Variants in SLC10A7 observed in about 807,000 individuals in gnomAD.
SLC10A7 encodes solute carrier family 10 member 7.
SLC10A7 carries 29 observed loss-of-function variants against 43.2 expected under a neutral mutation model. The ratio of observed to expected loss-of-function variants is 0.67; its 90% CI spans 0.50 to 0.92. The LOEUF (loss-of-function observed/expected upper bound fraction) is 0.92, where lower values mean the gene tolerates loss of function less well. Ranked by LOEUF, SLC10A7 falls within the 40% of genes least tolerant of loss-of-function variation. The pLI is 0.00. For synonymous variants in SLC10A7, 152 were observed against 144.8 expected (o/e 1.05, Z -0.35); for missense variants, 295 against 403.2 (o/e 0.73, Z 2.30).
intron 5 of SLC10A7, among the ~76,000 whole-genome samples, chr4:146,350,261 A>G (rs903987089): frequency 6.6e-6 from 1 of 151,656 alleles, no homozygotes; most frequent in African/African-American, 2.4e-5. Context: ...GAGTCAAAGA[A>G]AGGGGTGACA....
At chr4:146,322,828 C>A (rs564610115) in intron 6 of SLC10A7, among the ~76,000 whole-genome samples, 2 of 152,046 alleles carry the variant, frequency 1.3e-5, no homozygotes, top group Non-Finnish European at 2.9e-5. Flanking sequence ...ACTAGTTTAC[C>A]ATCCCACCAA....
At chr4:146,297,069 C>T (rs1210161340) in intron 7 of SLC10A7, among the ~76,000 whole-genome samples, 1 of 151,976 alleles carries the variant, frequency 6.6e-6, no homozygotes, top group Non-Finnish European at 1.5e-5. Flanking sequence ...AAAGAAAATC[C>T]AAGATGAGGT....
intron 6 of SLC10A7, among the ~76,000 whole-genome samples, chr4:146,307,005 A>G (rs939605889): frequency 5.9e-5 from 9 of 152,184 alleles, no homozygotes; most frequent in Non-Finnish European, 1.2e-4. Context: ...CATGGAGGTA[A>G]TGATGATTGA....
At chr4:146,514,536 A>C (rs1737777502) in intron 2 of SLC10A7, 1 of 152,220 alleles carries the variant, frequency 6.6e-6, no homozygotes, top group African/African-American at 2.4e-5. Context: ...GTCCTTTATA[A>C]TTTTAACAAA....
chr4:146,499,667 G>A (rs1363519126), intron 4 of SLC10A7, among the ~76,000 whole-genome samples: 1 of 152,062 alleles, frequency 6.6e-6, no homozygotes, highest in East Asian at 1.9e-4. Context: ...TCTCAAGTTT[G>A]ATATTCAAGA....
At chr4:146,310,966 G>A (rs1424360953) in intron 6 of SLC10A7, among the ~76,000 whole-genome samples, 2 of 149,094 alleles carry the variant, frequency 1.3e-5, no homozygotes, top group East Asian at 2.0e-4. Flanking sequence ...GAGGATGGGG[G>A]GAGGGGGATG....
intron 5 of SLC10A7, among the ~76,000 whole-genome samples, chr4:146,401,533 A>G (rs1739226650): frequency 6.6e-6 from 1 of 152,188 alleles, no homozygotes; most frequent in African/African-American, 2.4e-5. Flanking sequence ...AAATGAGGGA[A>G]AGCAACACTT....
At chr4:146,369,210 C>G (rs958759532) in intron 5 of SLC10A7, among the ~76,000 whole-genome samples, 4 of 152,168 alleles carry the variant, frequency 2.6e-5, no homozygotes, top group African/African-American at 9.7e-5. Flanking sequence ...ACCACTTAAC[C>G]ATCTGTGTGA....
chr4:146,290,450 G>A (rs1474218661), intron 9 of SLC10A7, among the ~76,000 whole-genome samples: 2 of 151,632 alleles, frequency 1.3e-5, no homozygotes, highest in African/African-American at 4.8e-5. Context: ...ATCATTAGTA[G>A]ATGACTATGG....
In SLC10A7 at chr4:146,487,599, ATGAAAG is replaced by A. The variant is rs1265793619; in HGVS notation, c.396+16244_396+16249del. Among the ~76,000 whole-genome samples the A allele has an allele frequency of 3.9e-5, 6 of 152,320 alleles. No individual in the cohort carries two copies. The East Asian group carries it at 5.8e-4, about 15-fold the overall frequency. ...TTTGCCTGAGATAATGCATAATGGG[ATGAAAG>A]TGTCTTGAAGAAGGATTCCATGACT... is the stretch of plus-strand genomic sequence containing the variant. On this transcript the variant is annotated intron_variant, in intron 4 of 11. Transcript: ENST00000335472.
intron 5 of SLC10A7, among the ~76,000 whole-genome samples, chr4:146,375,640 T>G (rs1343452146): frequency 2.0e-5 from 3 of 152,220 alleles, no homozygotes; most frequent in Non-Finnish European, 4.4e-5. Flanking sequence ...TTTATTTCGT[T>G]CATTTTTTTA....
At position 146,256,411 on chromosome 4, in the gene SLC10A7, CACAAGTACAAGTCTTCAGAATT is replaced by C. The variant is rs1353742325; in HGVS notation, c.*58_*79del. 7.2e-7 allele frequency: 1 copy of C among 1,383,012 alleles called. No homozygotes were observed. Among genetic ancestry groups the C allele is most frequent in the East Asian group, 2.3e-5 (1 of 43,336 alleles). 85.7% of individuals were successfully genotyped at this position (1,383,012 alleles called of 1,614,324 possible). The stretch of plus-strand genomic sequence containing the variant: ...ATAAAATATGCATTGAGGCAACATT[CACAAGTACAAGTCTTCAGAATT>C]GCTAGTATGTACAATCCTGTACATA... On this transcript the variant is annotated 3_prime_UTR_variant, in exon 12 of 12. Coordinates refer to ENST00000335472, the MANE Select transcript of SLC10A7 (RefSeq NM_001029998.6).
At position 146,301,593 on chromosome 4, in the gene SLC10A7, T is replaced by C. The variant is rs574975626; in HGVS notation, c.555+4333A>G. Among the ~76,000 whole-genome samples the C allele has an allele frequency of 2.6e-5, 4 of 152,174 alleles. No homozygotes were observed. The South Asian group carries it at 8.3e-4, about 32-fold the overall frequency. On this transcript the variant is annotated intron_variant, in intron 7 of 11. Coordinates refer to ENST00000335472, the MANE Select transcript of SLC10A7 (RefSeq NM_001029998.6). ...AGAGAGACAGGTTTAGGAGGTGCAG[T>C]AATTTAGACAAGAGATGATGAAGGT...
At chr4:146,418,272 T>C (rs1020793815) in intron 5 of SLC10A7, among the ~76,000 whole-genome samples, 1 of 152,170 alleles carries the variant, frequency 6.6e-6, no homozygotes, top group African/African-American at 2.4e-5. Context: ...TATGAGTGTG[T>C]TTTAAAGCTG....
In SLC10A7 at chr4:146,509,978, T is replaced by G. The variant is rs374624700; in HGVS notation, c.255A>C (p.Pro85=). 2 of 1,613,722 alleles carry G rather than the reference T, an allele frequency of 1.2e-6. No homozygotes were observed. The highest frequency in any genetic ancestry group is 2.7e-5 in the African/African-American group (2 of 74,896). ...GCTGAAGAAAAAGCCATATTGTTGC[T>G]GGGAAGAATGCAAGAGTAAAGATCT... The part of the protein sequence containing the change: ...FIQIFTLAFF[P]ATIWLFLQLL... The change falls in exon 3 of 12, where the codon CCA becomes CCC. Residue 85 remains proline, a synonymous_variant. Coordinates refer to ENST00000335472, the MANE Select transcript of SLC10A7 (RefSeq NM_001029998.6).
At chr4:146,354,620 A>G (rs368952281) in intron 5 of SLC10A7, among the ~76,000 whole-genome samples, 2 of 150,178 alleles carry the variant, frequency 1.3e-5, no homozygotes, top group East Asian at 2.0e-4. Context: ...GAGGCATCAC[A>G]CTACCTGACT....
At chr4:146,507,021 CTG>C (rs1055557300) in intron 3 of SLC10A7, among the ~76,000 whole-genome samples, 1 of 152,168 alleles carries the variant, frequency 6.6e-6, no homozygotes, top group African/African-American at 2.4e-5. Flanking sequence ...TGTGTATACA[CTG>C]TGAAATCATT....
At chr4:146,375,718 C>T (rs1427664540) in intron 5 of SLC10A7, among the ~76,000 whole-genome samples, 1 of 152,156 alleles carries the variant, frequency 6.6e-6, no homozygotes, top group Non-Finnish European at 1.5e-5. Context: ...CCTATTCTCA[C>T]ACAACACAAC....
chr4:146,379,620 C>T (rs1454871379), intron 5 of SLC10A7, among the ~76,000 whole-genome samples: 1 of 152,094 alleles, frequency 6.6e-6, no homozygotes, highest in Non-Finnish European at 1.5e-5. Flanking sequence ...AAGACAAAAA[C>T]CCCAATCTTG....
Sources: gnomAD v4.1 joint callset for allele counts (sites outside exome capture counted in the v4.1 genomes callset) on GRCh38, gnomAD v4.1.1 for gene constraint, MANE v1.5 for transcripts, NCBI Gene and HGNC (gene_info 2026-07-23, HGNC 2026-07-21) for gene names.